The following PALLD variants were observed in gnomAD, a reference collection of about 807,000 sequenced individuals.
PALLD encodes the protein palladin, cytoskeletal associated protein.
A neutral mutation model predicts 123.5 loss-of-function variants in PALLD; 61 were observed. The ratio of observed to expected loss-of-function variants is 0.49; its 90% CI spans 0.40 to 0.61. The LOEUF (loss-of-function observed/expected upper bound fraction) is 0.61. Ranked by LOEUF, PALLD falls within the 20% of genes least tolerant of loss-of-function variation. PALLD has a pLI of 0.00. For missense variants in PALLD, 1,273 were observed against 1,377.0 expected, an observed-to-expected ratio of 0.92 and a Z score of 1.20; for synonymous variants, 465 against 496.4, an observed-to-expected ratio of 0.94 and a Z score of 0.84.
At chr4:168,788,192 C>A (rs1737017458) in intron 10 of PALLD, among the ~76,000 whole-genome samples, 1 of 151,944 alleles carries the variant, frequency 6.6e-6, no homozygotes, top group African/African-American at 2.4e-5. Flanking sequence ...AGTACTAAAT[C>A]ACAACCCAGG....
intron 3 of PALLD, among the ~76,000 whole-genome samples, chr4:168,678,901 GTA>G (rs1002717566): frequency 3.4e-5 from 5 of 148,306 alleles, no homozygotes; most frequent in African/African-American, 1.2e-4. Context: ...GGTGAGGTGT[GTA>G]TGTGTGGTGT....
At chr4:168,915,142 T>C (rs141828557) in intron 16 of PALLD, among the ~76,000 whole-genome samples, 1 of 152,260 alleles carries the variant, frequency 6.6e-6, no homozygotes, top group Admixed American at 6.5e-5. Flanking sequence ...ATTAAAAAGC[T>C]AATAATTATT....
chr4:168,674,930 C>T (rs1051477645), intron 3 of PALLD, among the ~76,000 whole-genome samples: 1 of 151,982 alleles, frequency 6.6e-6, no homozygotes, highest in African/African-American at 2.4e-5. Flanking sequence ...ATAGATCATG[C>T]AGGAGGGAGG....
At chr4:168,571,474 C>T (rs1203344367) in intron 2 of PALLD, among the ~76,000 whole-genome samples, 1 of 152,118 alleles carries the variant, frequency 6.6e-6, no homozygotes, top group Non-Finnish European at 1.5e-5. Context: ...TTAATATTTA[C>T]GTAACTTATC....
At chr4:168,665,580 A>G (rs6846708) in intron 2 of PALLD, among the ~76,000 whole-genome samples, 18,013 of 152,206 alleles carry the variant, frequency 0.12, 1,446 homozygotes, top group African/African-American at 0.23. Flanking sequence ...AACAAAAAAA[A>G]TGGTTGCTAT....
intron 10 of PALLD, among the ~76,000 whole-genome samples, chr4:168,740,193 A>C (rs1274391770): frequency 6.6e-6 from 1 of 152,192 alleles, no homozygotes; most frequent in African/African-American, 2.4e-5. Context: ...AGCACTGGGA[A>C]ACATCTTAAA....
At chr4:168,712,382 T>C (rs1238026982) in intron 10 of PALLD, 2 of 229,714 alleles carry the variant, frequency 8.7e-6, no homozygotes, top group East Asian at 1.4e-4. Context: ...AAATTCAGGG[T>C]GCAGATCCTG....
At chr4:168,546,669 T>C (rs936700204) in intron 2 of PALLD, among the ~76,000 whole-genome samples, 1 of 152,180 alleles carries the variant, frequency 6.6e-6, no homozygotes, top group African/African-American at 2.4e-5. Context: ...TAACCCAGTT[T>C]TTGAGGATAC....
intron 1 of PALLD, among the ~76,000 whole-genome samples, chr4:168,498,189 G>A (rs1760954585): frequency 6.6e-6 from 1 of 152,022 alleles, no homozygotes; most frequent in Non-Finnish European, 1.5e-5. Context: ...AGCAGAAAAG[G>A]CCGATGAGGT....
At chr4:168,653,942 C>T (rs1386843025) in intron 2 of PALLD, among the ~76,000 whole-genome samples, 16 of 151,890 alleles carry the variant, frequency 1.1e-4, no homozygotes, top group Admixed American at 4.6e-4. Flanking sequence ...CCTCATGATC[C>T]GCCCACCTCG....
At chr4:168,689,274 T>C (rs1225616811) in intron 6 of PALLD, among the ~76,000 whole-genome samples, 1 of 152,136 alleles carries the variant, frequency 6.6e-6, no homozygotes, top group Non-Finnish European at 1.5e-5. Flanking sequence ...GGACATCATT[T>C]ATTGTCCCAT....
At chr4:168,821,662 G>A (rs1742727980) in intron 10 of PALLD, among the ~76,000 whole-genome samples, 1 of 151,938 alleles carries the variant, frequency 6.6e-6, no homozygotes, top group African/African-American at 2.4e-5. Context: ...GATCACCTGA[G>A]GTCAGGAGTT....
intron 2 of PALLD, among the ~76,000 whole-genome samples, chr4:168,615,529 A>G (rs150880513): frequency 6.6e-6 from 1 of 152,306 alleles, no homozygotes; most frequent in Non-Finnish European, 1.5e-5. Flanking sequence ...ACGGGGCACA[A>G]AGAGACAGGA....
chr4:168,864,662 A>G (rs1425997683), intron 10 of PALLD: 1 of 152,244 alleles, frequency 6.6e-6, no homozygotes, highest in East Asian at 1.9e-4. Flanking sequence ...TAAGTCTTAC[A>G]GTATAATCAT....
chr4:168,735,774 G>C (rs529535363), intron 10 of PALLD, among the ~76,000 whole-genome samples: 1 of 152,110 alleles, frequency 6.6e-6, no homozygotes, highest in African/African-American at 2.4e-5. Flanking sequence ...TCAGCTTTGG[G>C]TTTTCGTCTT....
At chr4:168,768,824 C>T (rs571511721) in intron 10 of PALLD, among the ~76,000 whole-genome samples, 3 of 152,078 alleles carry the variant, frequency 2.0e-5, no homozygotes, top group African/African-American at 7.2e-5. Flanking sequence ...AGGCACACAC[C>T]ACCATGCCCA....
chr4:168,512,116 C>A lies in PALLD; in HGVS notation c.612C>A (p.Tyr204Ter). Residue 204 changes from tyrosine to a stop codon, truncating the protein, a stop_gained, in exon 2 of 22, where the codon TAC (tyrosine) becomes TAA (stop). Transcript: ENST00000505667. LOFTEE classifies it high-confidence loss of function. ...AGTCCTCGTCACCAGACAGTGGGTA[C>A]CTGTCTCCTAAAAATCAGCCGTCAG... ...NGESSSPDSG[Y>*]LSPKNQPSAL... The A allele has an allele frequency of 6.2e-7, 1 of 1,614,170 alleles. No homozygotes were observed.
intron 2 of PALLD, among the ~76,000 whole-genome samples, chr4:168,525,269 C>T (rs865979488): frequency 5.3e-5 from 8 of 152,026 alleles, no homozygotes; most frequent in African/African-American, 7.2e-5. Flanking sequence ...TCATTTTTTA[C>T]GAAATAAATA....
At chr4:168,562,133 ATTCTAAGC>A (rs1470152170) in intron 2 of PALLD, among the ~76,000 whole-genome samples, 5 of 152,100 alleles carry the variant, frequency 3.3e-5, no homozygotes, top group Non-Finnish European at 7.4e-5. Flanking sequence ...CGTACTTCTA[ATTCTAAGC>A]CTCTTTTCAC....
Sources: allele counts gnomAD v4.1 joint callset (sites outside exome capture counted in the v4.1 genomes callset), GRCh38; gene constraint gnomAD v4.1.1; transcripts MANE v1.5; gene names NCBI Gene and HGNC (gene_info 2026-07-23, HGNC 2026-07-21).